Variants in LONP2 observed in about 807,000 individuals in gnomAD.
The protein encoded by LONP2 is lon protease homolog 2, peroxisomal.
LONP2 carries 60 observed loss-of-function variants against 85.6 expected under a neutral mutation model. The ratio of observed to expected loss-of-function variants is 0.70; its 90% CI spans 0.57 to 0.87. LONP2 has a LOEUF of 0.87. Ranked by LOEUF, LONP2 falls within the 40% of genes least tolerant of loss-of-function variation. The probability of loss-of-function intolerance (pLI) is 0.00; values close to 1 mark genes in which losing one functional copy is unlikely to be tolerated. For synonymous variants in LONP2, 395 were observed against 389.7 expected (o/e 1.01, Z -0.16); for missense variants, 860 against 1,063.5 (o/e 0.81, Z 2.66).
At chr16:48,308,628 C>CAAAA (rs545067276) in intron 11 of LONP2, among the ~76,000 whole-genome samples, 1 of 68,868 alleles carries the variant, frequency 1.5e-5, no homozygotes, top group African/African-American at 4.5e-5. Context: ...GACTCTGTCT[C>CAAAA]AAAAAAAAAA....
intron 3 of LONP2, 151 bp downstream of exon 3, chr16:48,256,892 A>T (rs1018196924): frequency 8.8e-6 from 6 of 684,924 alleles, no homozygotes; most frequent in Non-Finnish European, 1.4e-5. Flanking sequence ...TTCAAATGTG[A>T]TTGTTTTATA....
Position 48,357,007 on chromosome 16 carries a change from T to C in LONP2, c.*5205T>C, listed in dbSNP as rs1301465302. 1 of 153,536 alleles carries C rather than the reference T, an allele frequency of 6.5e-6. No homozygotes were observed. Among genetic ancestry groups the C allele is most frequent in the Non-Finnish European group, 1.5e-5 (1 of 68,860 alleles). The allele number at this position is 153,536 out of a possible 1,614,324, so 9.5% of individuals were successfully genotyped here. On this transcript the variant is annotated 3_prime_UTR_variant, in exon 15 of 15. Transcript: ENST00000285737. The stretch of plus-strand genomic sequence containing the variant: ...GAAAGGCCTAAGAAAATTACATCTA[T>C]GATAATAAAGTGTATTTCTTTGTCA...
intron 4 of LONP2, among the ~76,000 whole-genome samples, chr16:48,260,197 A>G (rs1971845639): frequency 6.6e-6 from 1 of 152,188 alleles, no homozygotes; most frequent in Non-Finnish European, 1.5e-5. Flanking sequence ...ATAAAAGCAT[A>G]TATTTAGTAC....
intron 7 of LONP2, among the ~76,000 whole-genome samples, chr16:48,274,530 C>T (rs1972167253): frequency 6.6e-6 from 1 of 151,984 alleles, no homozygotes; most frequent in Admixed American, 6.6e-5. Context: ...AGAATAATTG[C>T]ATTTGTTTAG....
intron 9 of LONP2, among the ~76,000 whole-genome samples, chr16:48,298,150 C>T (rs377682947): frequency 1.2e-4 from 18 of 152,334 alleles, no homozygotes; most frequent in East Asian, 1.2e-3. Flanking sequence ...ATCAGGACAG[C>T]TGCTGCAGAG....
intron 9 of LONP2, among the ~76,000 whole-genome samples, chr16:48,296,795 G>A (rs1972682897): frequency 1.3e-5 from 2 of 150,956 alleles, no homozygotes; most frequent in African/African-American, 4.9e-5. Flanking sequence ...TAAAGTGCAT[G>A]CCGCTTTTAA....
chr16:48,298,458 C>T (rs1041936083), intron 9 of LONP2, among the ~76,000 whole-genome samples: 19 of 151,794 alleles, frequency 1.3e-4, no homozygotes, highest in Non-Finnish European at 2.1e-4. Flanking sequence ...TATATAAATA[C>T]ATACACACAC....
intron 12 of LONP2, among the ~76,000 whole-genome samples, chr16:48,346,212 TAGTG>T (rs1443757066): frequency 6.6e-6 from 1 of 152,130 alleles, no homozygotes; most frequent in Non-Finnish European, 1.5e-5. Context: ...TGCTGTTCCT[TAGTG>T]AGACGGTCAA....
chr16:48,305,966 G>A lies in LONP2; in HGVS notation c.1795+2661G>A, dbSNP rs977241239. ...TGAATTTAAAAAAAATGTCCTAGGT[G>A]AGGGAGTACCTATCAAGGGTGGAAA... On this transcript the variant is annotated intron_variant, in intron 11 of 14. Coordinates refer to ENST00000285737, the MANE Select transcript of LONP2 (RefSeq NM_031490.5). Among the ~76,000 whole-genome samples the A allele has an allele frequency of 3.3e-5, 5 of 152,206 alleles. 1 individual carries two copies. The highest frequency in any genetic ancestry group is 2.0e-4 in the Admixed American group (3 of 15,284).
At chr16:48,361,279 A>T, downstream of LONP2, 1 of 302,146 alleles carries the variant, frequency 3.3e-6, no homozygotes, top group East Asian at 7.4e-5. Flanking sequence ...CAATACAATC[A>T]ATCTACAACA....
At chr16:48,264,870 C>T (rs553725971) in intron 6 of LONP2, among the ~76,000 whole-genome samples, 99 of 152,280 alleles carry the variant, frequency 6.5e-4, no homozygotes, top group Admixed American at 1.4e-3. Context: ...TCCCGCAACA[C>T]GCTGTACCAA....
At chr16:48,283,018 T>C (rs1458342281) in intron 8 of LONP2, among the ~76,000 whole-genome samples, 2 of 152,180 alleles carry the variant, frequency 1.3e-5, no homozygotes. Context: ...AAAGTTTTAG[T>C]GGTCTGGATA....
At chr16:48,336,775 C>A (rs1242832258) in intron 12 of LONP2, among the ~76,000 whole-genome samples, 1 of 152,178 alleles carries the variant, frequency 6.6e-6, no homozygotes, top group African/African-American at 2.4e-5. Flanking sequence ...TGTGATTCTT[C>A]ACTTGCTTCA....
At chr16:48,250,516 A>G (rs1971614672) in intron 1 of LONP2, among the ~76,000 whole-genome samples, 1 of 151,864 alleles carries the variant, frequency 6.6e-6, no homozygotes, top group African/African-American at 2.4e-5. Context: ...ACAACTCTTT[A>G]GCATCACCTT....
rs1234967071 is a variant in LONP2, at chr16:48,354,583, C to T, written c.*2781C>T. 1 of 152,318 alleles carries T rather than the reference C, an allele frequency of 6.6e-6. No individual in the cohort carries two copies. Among genetic ancestry groups the T allele is most frequent in the Non-Finnish European group, 1.5e-5 (1 of 68,196 alleles). 9.4% of individuals were successfully genotyped at this position (152,318 alleles called of 1,614,324 possible). ...AGAGCTCCAAATTCCACCCTCACCC[C>T]AGACCCTGGTAACCACTATTTCACT... On this transcript the variant is annotated 3_prime_UTR_variant, in exon 15 of 15. Coordinates refer to ENST00000285737, the MANE Select transcript of LONP2 (RefSeq NM_031490.5).
rs1329583756 is a variant in LONP2 at position 48,352,220 on chromosome 16, A to G, written c.*418A>G. ...TCCAGGTAATTCTGCTGCACACTCA[A>G]GTTCAGGAACCACCGGTATAGACCA... On this transcript the variant is annotated 3_prime_UTR_variant, in exon 15 of 15. Coordinates refer to ENST00000285737, the MANE Select transcript of LONP2 (RefSeq NM_031490.5). 4 of 191,560 alleles carry G rather than the reference A, an allele frequency of 2.1e-5. No individual in the cohort carries two copies. Among genetic ancestry groups the G allele is most frequent in the African/African-American group, 9.4e-5 (4 of 42,690 alleles). 11.9% of individuals were successfully genotyped at this position (191,560 alleles called of 1,614,324 possible).
chr16:48,258,345 C>CAAAAAAAAAAAG (rs949450473), intron 3 of LONP2, among the ~76,000 whole-genome samples: 10 of 107,688 alleles, frequency 9.3e-5, no homozygotes, highest in Admixed American at 4.1e-4. Flanking sequence ...GATTCCGTCT[C>CAAAAAAAAAAAG]AAAAAAAAAA....
At chr16:48,268,378 A>G (rs1164210720) in intron 6 of LONP2, among the ~76,000 whole-genome samples, 1 of 152,132 alleles carries the variant, frequency 6.6e-6, no homozygotes, top group Non-Finnish European at 1.5e-5. Flanking sequence ...GTTAATCATG[A>G]ATGGATAACG....
rs752981293 is a variant in LONP2 at position 48,258,639 on chromosome 16, G to A, written c.622G>A (p.Glu208Lys). The A allele has an allele frequency of 6.2e-7, 1 of 1,604,362 alleles. No individual in the cohort carries two copies. The highest frequency in any genetic ancestry group is 2.3e-5 in the East Asian group (1 of 44,324). The part of the protein sequence containing the change: ...KLQILDAVSL[E>K]ERFKMTIPLL... The stretch of plus-strand genomic sequence containing the variant: ...TTAGATTTTAGATGCTGTGAGCCTA[G>A]AGGAGCGGTTCAAGATGACTATACC... The change falls in exon 4 of 15, where the codon GAG becomes AAG. Residue 208 changes from glutamate to lysine, a missense_variant. Coordinates refer to ENST00000285737, the MANE Select transcript of LONP2 (RefSeq NM_031490.5).
Sources: allele counts gnomAD v4.1 joint callset (sites outside exome capture counted in the v4.1 genomes callset), GRCh38; gene constraint gnomAD v4.1.1; transcripts MANE v1.5; gene names NCBI Gene and HGNC (gene_info 2026-07-23, HGNC 2026-07-21).